Variants in KCNIP4 observed in about 807,000 individuals in gnomAD.
KCNIP4 encodes the protein Kv channel-interacting protein 4.
In KCNIP4, 12 loss-of-function variants were observed where a neutral mutation model predicts 34.0. The observed-to-expected ratio is 0.35, with a 90% CI of 0.23 to 0.57. KCNIP4 has a LOEUF of 0.57. Ranked by LOEUF, KCNIP4 falls within the 20% of genes least tolerant of loss-of-function variation. KCNIP4 has a pLI of 0.83. For synonymous variants in KCNIP4, 124 were observed against 102.2 expected (o/e 1.21, Z -1.29); for missense variants, 238 against 311.7 (o/e 0.76, Z 1.78).
chr4:20,877,375 A>G (rs1724164769), intron 2 of KCNIP4, among the ~76,000 whole-genome samples: 1 of 152,156 alleles, frequency 6.6e-6, no homozygotes, highest in Non-Finnish European at 1.5e-5. Flanking sequence ...CCTTCATTCA[A>G]CTATCCCCTG....
intron 1 of KCNIP4, among the ~76,000 whole-genome samples, chr4:21,584,345 G>C (rs1274046270): frequency 1.3e-5 from 2 of 151,854 alleles, no homozygotes. Flanking sequence ...AATTCATAAA[G>C]GGCAACTAAT....
intron 1 of KCNIP4, among the ~76,000 whole-genome samples, chr4:21,935,822 A>C (rs932185739): frequency 5.9e-5 from 9 of 152,104 alleles, no homozygotes; most frequent in Non-Finnish European, 1.0e-4. Context: ...TAAGCACTTC[A>C]TATGCATTAA....
At chr4:21,892,334 G>A (rs79188983) in intron 1 of KCNIP4, among the ~76,000 whole-genome samples, 2 of 151,480 alleles carry the variant, frequency 1.3e-5, no homozygotes, top group South Asian at 2.1e-4. Flanking sequence ...AAAAAAAAAG[G>A]TGAATCTAGG....
chr4:21,568,919 G>A (rs1740133078), intron 1 of KCNIP4, among the ~76,000 whole-genome samples: 1 of 151,984 alleles, frequency 6.6e-6, no homozygotes, highest in South Asian at 2.1e-4. Flanking sequence ...CAGTGAAGAT[G>A]AAGGAAAAAC....
At chr4:21,895,465 C>T (rs1578120300) in intron 1 of KCNIP4, among the ~76,000 whole-genome samples, 1 of 152,156 alleles carries the variant, frequency 6.6e-6, no homozygotes, top group Non-Finnish European at 1.5e-5. Flanking sequence ...CAAACGTCAG[C>T]TCTACCACTT....
chr4:20,936,938 A>T (rs1254583163), intron 1 of KCNIP4, among the ~76,000 whole-genome samples: 5 of 152,104 alleles, frequency 3.3e-5, no homozygotes, highest in African/African-American at 1.2e-4. Context: ...AGAACTGTCT[A>T]GGGCATGATC....
intron 1 of KCNIP4, among the ~76,000 whole-genome samples, chr4:21,188,488 T>C (rs1475608393): frequency 6.6e-6 from 1 of 151,980 alleles, no homozygotes; most frequent in East Asian, 1.9e-4. Context: ...TATTTAACAT[T>C]TCTCATGTTT....
chr4:21,723,027 C>A (rs28379124), intron 1 of KCNIP4, among the ~76,000 whole-genome samples: 22,548 of 151,846 alleles, frequency 0.15, 5,626 homozygotes, highest in African/African-American at 0.52. Flanking sequence ...TGTCTATCTA[C>A]CTAGACATTT....
At chr4:21,044,233 G>A (rs989836570) in intron 1 of KCNIP4, among the ~76,000 whole-genome samples, 2 of 152,162 alleles carry the variant, frequency 1.3e-5, no homozygotes, top group East Asian at 3.9e-4. Flanking sequence ...TTCTCCAGTA[G>A]ATTGTCCTAT....
chr4:20,935,309 C>T (rs1730953329), intron 1 of KCNIP4, among the ~76,000 whole-genome samples: 1 of 152,138 alleles, frequency 6.6e-6, no homozygotes, highest in Admixed American at 6.6e-5. Flanking sequence ...AGCTCATAGG[C>T]ATTTCAAACT....
At chr4:21,050,214 A>G (rs1360921169) in intron 1 of KCNIP4, among the ~76,000 whole-genome samples, 2 of 152,222 alleles carry the variant, frequency 1.3e-5, no homozygotes, top group Non-Finnish European at 2.9e-5. Flanking sequence ...CTATAATTTA[A>G]TCACAAGATC....
At chr4:21,580,494 T>C (rs1360601946) in intron 1 of KCNIP4, among the ~76,000 whole-genome samples, 11 of 152,126 alleles carry the variant, frequency 7.2e-5, no homozygotes. Flanking sequence ...TAATATCAGC[T>C]AGATAAAATA....
In KCNIP4 at chr4:21,445,852, G is replaced by T. The variant is rs1301133685; in HGVS notation, c.61+502719C>A. On this transcript the variant is annotated intron_variant, in intron 1 of 8. Coordinates refer to ENST00000382152, the MANE Select transcript of KCNIP4 (RefSeq NM_025221.6). ...TGAACAGGCAACACACAGAATGGGA[G>T]AAAATTTTTGCAATCTACTCATCTG... Among the ~76,000 whole-genome samples the T allele has an allele frequency of 3.3e-5, 5 of 151,976 alleles. No individual in the cohort carries two copies. In the South Asian group the frequency reaches 1.0e-3, roughly 32 times the overall value.
At chr4:21,274,511 A>G (rs1403652351) in intron 1 of KCNIP4, among the ~76,000 whole-genome samples, 2 of 152,218 alleles carry the variant, frequency 1.3e-5, no homozygotes, top group African/African-American at 4.8e-5. Context: ...ACTTAAATGT[A>G]GAAGGTCATA....
At chr4:21,351,570 T>A (rs1420517140) in intron 1 of KCNIP4, among the ~76,000 whole-genome samples, 1 of 152,168 alleles carries the variant, frequency 6.6e-6, no homozygotes, top group Non-Finnish European at 1.5e-5. Flanking sequence ...AACATACTAA[T>A]ACAGTTTCCA....
At chr4:21,222,275 A>G (rs1439798692) in intron 1 of KCNIP4, among the ~76,000 whole-genome samples, 1 of 152,136 alleles carries the variant, frequency 6.6e-6, no homozygotes, top group Non-Finnish European at 1.5e-5. Flanking sequence ...CAGGATGTTC[A>G]GTAAAAAGAG....
At chr4:20,790,482 C>A (rs1712595084) in intron 3 of KCNIP4, among the ~76,000 whole-genome samples, 1 of 152,110 alleles carries the variant, frequency 6.6e-6, no homozygotes, top group African/African-American at 2.4e-5. Context: ...TGTAATAACA[C>A]AGCTTAAAAC....
chr4:21,864,509 A>C (rs1725301633), intron 1 of KCNIP4, among the ~76,000 whole-genome samples: 1 of 152,214 alleles, frequency 6.6e-6, no homozygotes, highest in Non-Finnish European at 1.5e-5. Context: ...TGACTCATCA[A>C]AACTGCCAGA....
chr4:21,643,951 G>C lies in KCNIP4; in HGVS notation c.61+304620C>G, dbSNP rs1365552541. 2.0e-5 allele frequency among the ~76,000 whole-genome samples: 3 copies of C among 151,880 alleles called. No homozygotes were observed. The South Asian group carries it at 6.2e-4, about 31-fold the overall frequency. On this transcript the variant is annotated intron_variant, in intron 1 of 8. Transcript: ENST00000382152. ...AGATAGATAGATAGATATCCTACTGGTTGTGGCCCTAATTAATGTATCCCC... is the reference window on the plus strand; with the variant it reads ...AGATAGATAGATAGATATCCTACTGCTTGTGGCCCTAATTAATGTATCCCC...
Sources: allele counts gnomAD v4.1 joint callset (sites outside exome capture counted in the v4.1 genomes callset), GRCh38; gene constraint gnomAD v4.1.1; transcripts MANE v1.5; gene names NCBI Gene and HGNC (gene_info 2026-07-23, HGNC 2026-07-21).